Variants in CPNE8 observed in about 807,000 individuals in gnomAD.
CPNE8 encodes the protein copine 8.
A neutral mutation model predicts 81.5 loss-of-function variants in CPNE8; 45 were observed. The ratio of observed to expected loss-of-function variants is 0.55; its 90% CI spans 0.44 to 0.71. The LOEUF (loss-of-function observed/expected upper bound fraction) is 0.71, where lower values mean the gene tolerates loss of function less well. Among genes scored for constraint, CPNE8 ranks in the 30% least tolerant of loss-of-function variants. CPNE8 has a pLI of 0.00. For missense variants in CPNE8, 594 were observed against 672.1 expected (o/e 0.88, Z 1.28); for synonymous variants, 252 against 226.3 (o/e 1.11, Z -1.02).
chr12:38,716,204 T>G (rs1422368748), intron 13 of CPNE8, among the ~76,000 whole-genome samples: 2 of 152,026 alleles, frequency 1.3e-5, no homozygotes, highest in Non-Finnish European at 2.9e-5. Flanking sequence ...GAATCAATAT[T>G]GGGAAATGAC....
At chr12:38,866,684 G>C (rs968621115) in intron 3 of CPNE8, among the ~76,000 whole-genome samples, 1 of 152,168 alleles carries the variant, frequency 6.6e-6, no homozygotes, top group Admixed American at 6.6e-5. Context: ...CCCATAACTA[G>C]TTATCATGAC....
At chr12:38,870,687 A>G (rs1210472660) in intron 3 of CPNE8, among the ~76,000 whole-genome samples, 1 of 152,092 alleles carries the variant, frequency 6.6e-6, no homozygotes. Flanking sequence ...GAAATACCTA[A>G]TGTAGATGAC....
chr12:38,661,263 G>A (rs539192188), intron 19 of CPNE8, among the ~76,000 whole-genome samples: 1 of 152,152 alleles, frequency 6.6e-6, no homozygotes, highest in Non-Finnish European at 1.5e-5. Context: ...ATATACCATG[G>A]AATACTATGC....
chr12:38,730,457 C>T (rs1033082232), intron 10 of CPNE8, 99 bp from the exon 11 acceptor site: 7 of 580,036 alleles, frequency 1.2e-5, no homozygotes, highest in Non-Finnish European at 1.5e-5. Flanking sequence ...CAAAAAAATG[C>T]TTGATATTAT....
intron 1 of CPNE8, among the ~76,000 whole-genome samples, chr12:38,904,117 T>G (rs1944528406): frequency 6.6e-6 from 1 of 152,136 alleles, no homozygotes; most frequent in Non-Finnish European, 1.5e-5. Flanking sequence ...TTAAACTTAT[T>G]TACATCAAGA....
chr12:38,717,448 TATATATATATAC>T (rs1940431091), intron 13 of CPNE8, among the ~76,000 whole-genome samples: 3 of 137,656 alleles, frequency 2.2e-5, no homozygotes, highest in African/African-American at 8.0e-5. Context: ...TATATATATA[TATATATATATAC>T]ACCATGGAAT....
At chr12:38,740,840 T>C (rs2136792559) in intron 10 of CPNE8, among the ~76,000 whole-genome samples, 1 of 152,218 alleles carries the variant, frequency 6.6e-6, no homozygotes, top group African/African-American at 2.4e-5. Context: ...GGGATATTGG[T>C]CTAAAATTCT....
intron 13 of CPNE8, among the ~76,000 whole-genome samples, chr12:38,713,143 A>T (rs1479278310): frequency 6.6e-6 from 1 of 152,158 alleles, no homozygotes; most frequent in East Asian, 1.9e-4. Context: ...CCAGAACCCA[A>T]ATTCTTTGCC....
intron 6 of CPNE8, among the ~76,000 whole-genome samples, chr12:38,789,725 T>C (rs1333252318): frequency 2.0e-5 from 3 of 151,724 alleles, no homozygotes; most frequent in Non-Finnish European, 4.4e-5. Context: ...TCAGAATACA[T>C]AAGTAGCTCA....
At chr12:38,655,950 G>C (rs1159425918) in intron 19 of CPNE8, among the ~76,000 whole-genome samples, 1 of 145,334 alleles carries the variant, frequency 6.9e-6, no homozygotes, top group African/African-American at 2.5e-5. Flanking sequence ...CTAAGGGCAA[G>C]AAAGGCAGCT....
chr12:38,844,297 C>T (rs1045443077), intron 4 of CPNE8, among the ~76,000 whole-genome samples: 5 of 152,078 alleles, frequency 3.3e-5, no homozygotes, highest in African/African-American at 9.7e-5. Context: ...GCACATACTA[C>T]GAAGTGATAA....
intron 13 of CPNE8, among the ~76,000 whole-genome samples, chr12:38,711,017 T>C (rs550492460): frequency 1.3e-5 from 2 of 152,326 alleles, no homozygotes; most frequent in Non-Finnish European, 2.9e-5. Flanking sequence ...GCAAAGTGTG[T>C]TGTCTACAAT....
chr12:38,859,792 A>G (rs1332475315), intron 3 of CPNE8, among the ~76,000 whole-genome samples: 1 of 152,172 alleles, frequency 6.6e-6, no homozygotes, highest in Non-Finnish European at 1.5e-5. Flanking sequence ...CTGATCTTCA[A>G]CAAGGGTGTC....
chr12:38,677,685 A>T, intron 16 of CPNE8, 131 bp from the exon 17 acceptor site: 1 of 618,276 alleles, frequency 1.6e-6, no homozygotes, highest in Middle Eastern at 3.7e-4. Flanking sequence ...GGTATATCTT[A>T]TGCAAACTTT....
chr12:38,692,179 C>T (rs986642063), intron 15 of CPNE8, among the ~76,000 whole-genome samples: 5 of 151,972 alleles, frequency 3.3e-5, no homozygotes, highest in Admixed American at 2.6e-4. Context: ...ATCCTAGCTA[C>T]CTGGGAAGCT....
Position 38,812,650 on chromosome 12 carries a change from T to C in CPNE8, c.407+16729A>G, listed in dbSNP as rs531928198. Among the ~76,000 whole-genome samples, 5 of 152,206 alleles carry C rather than the reference T, an allele frequency of 3.3e-5. No individual in the cohort carries two copies. In the East Asian group the frequency reaches 9.7e-4, roughly 29 times the overall value. ...TGACTGGGGACATGGCCAAACCATA[T>C]CAGTTGGGAAGTGGAGCTTTTGGGG... On this transcript the variant is annotated intron_variant, in intron 6 of 19. Transcript: ENST00000331366.
At chr12:38,803,458 C>T (rs952230565) in intron 6 of CPNE8, among the ~76,000 whole-genome samples, 1 of 150,448 alleles carries the variant, frequency 6.6e-6, no homozygotes, top group African/African-American at 2.4e-5. Flanking sequence ...AATTCAACAA[C>T]CCTTCATGCT....
intron 6 of CPNE8, among the ~76,000 whole-genome samples, chr12:38,825,805 G>A (rs1446716166): frequency 7.9e-5 from 12 of 152,148 alleles, no homozygotes; most frequent in South Asian, 2.1e-4. Flanking sequence ...GTTCACCTGC[G>A]TTGGAACATC....
chr12:38,795,889 A>ATAGATAGATAGATAGG (rs1271374458), intron 6 of CPNE8, among the ~76,000 whole-genome samples: 1 of 152,100 alleles, frequency 6.6e-6, no homozygotes, highest in Non-Finnish European at 1.5e-5. Flanking sequence ...AGATAGATAG[A>ATAGATAGATAGATAGG]TAGATAGATA....
Sources: gnomAD v4.1 joint callset for allele counts (sites outside exome capture counted in the v4.1 genomes callset) on GRCh38, gnomAD v4.1.1 for gene constraint, MANE v1.5 for transcripts, NCBI Gene and HGNC (gene_info 2026-07-23, HGNC 2026-07-21) for gene names.